Variants in GRID1 observed in about 807,000 individuals in gnomAD.
GRID1 encodes the protein glutamate receptor ionotropic, delta-1.
In GRID1, 28 loss-of-function variants were observed where a neutral mutation model predicts 98.0. That is an observed-to-expected ratio of 0.29 (90% CI 0.21 to 0.39). The LOEUF is 0.39. GRID1 is among the 10% of genes least tolerant of loss of function. The probability of loss-of-function intolerance (pLI) is 1.00; values close to 1 mark genes in which losing one functional copy is unlikely to be tolerated. For synonymous variants in GRID1, 553 were observed against 538.5 expected (o/e 1.03, Z -0.37); for missense variants, 1,111 against 1,340.5 (o/e 0.83, Z 2.67).
At chr10:85,794,400 A>G (rs1470548882) in intron 8 of GRID1, among the ~76,000 whole-genome samples, 1 of 152,214 alleles carries the variant, frequency 6.6e-6, no homozygotes, top group African/African-American at 2.4e-5. Flanking sequence ...GAATGTTTTC[A>G]GGATCATGTT....
chr10:85,690,691 G>A (rs1343974702), intron 12 of GRID1, among the ~76,000 whole-genome samples: 1 of 152,182 alleles, frequency 6.6e-6, no homozygotes, highest in Non-Finnish European at 1.5e-5. Context: ...TCCTTTCTAA[G>A]TGTTCACAGA....
chr10:86,012,585 G>T lies in GRID1; in HGVS notation c.727-96346C>A, dbSNP rs138351354. Among the ~76,000 whole-genome samples the T allele has an allele frequency of 4.6e-5, 7 of 152,278 alleles. No homozygotes were observed. In the East Asian group the frequency reaches 1.4e-3, roughly 29 times the overall value. ...ACTATTTGCTGTGGGCTGAGTGTTTGTGTCCCCCCCAAAATTCAGGTGTTG... is the reference window on the plus strand; with the variant it reads ...ACTATTTGCTGTGGGCTGAGTGTTTTTGTCCCCCCCAAAATTCAGGTGTTG... On this transcript the variant is annotated intron_variant, in intron 4 of 15. Coordinates refer to ENST00000327946, the MANE Select transcript of GRID1 (RefSeq NM_017551.3).
At chr10:85,793,274 ATCCTTAGCC>A (rs1228587125) in intron 8 of GRID1, among the ~76,000 whole-genome samples, 1 of 152,034 alleles carries the variant, frequency 6.6e-6, no homozygotes, top group Non-Finnish European at 1.5e-5. Context: ...CTTCTGCTGG[ATCCTTAGCC>A]TGCCCCCACC....
At chr10:85,745,375 T>C (rs1437999704) in intron 8 of GRID1, among the ~76,000 whole-genome samples, 95 of 76,398 alleles carry the variant, frequency 1.2e-3, no homozygotes, top group African/African-American at 4.2e-3. Flanking sequence ...ATATACACCA[T>C]GGAATACTAT....
chr10:86,111,166 T>C (rs1844475995), intron 4 of GRID1, among the ~76,000 whole-genome samples: 2 of 152,334 alleles, frequency 1.3e-5, no homozygotes, highest in South Asian at 4.1e-4. Flanking sequence ...TGATAGAAAC[T>C]CAAGAGGACA....
intron 4 of GRID1, among the ~76,000 whole-genome samples, chr10:86,115,466 C>G (rs1844562338): frequency 6.6e-6 from 1 of 152,244 alleles, no homozygotes; most frequent in South Asian, 2.1e-4. Flanking sequence ...GCAGCTAACA[C>G]CCCTAGGTAA....
intron 2 of GRID1, among the ~76,000 whole-genome samples, chr10:86,235,268 G>A (rs529150447): frequency 4.6e-5 from 7 of 152,192 alleles, no homozygotes; most frequent in Admixed American, 1.3e-4. Context: ...ACTCCTGCCC[G>A]AGGCTGACCT....
intron 4 of GRID1, among the ~76,000 whole-genome samples, chr10:85,933,636 C>A (rs1841888675): frequency 6.6e-6 from 1 of 152,166 alleles, no homozygotes; most frequent in African/African-American, 2.4e-5. Context: ...GAAACAGACA[C>A]AACTTCATAG....
chr10:85,765,211 G>T (rs1368220220), intron 8 of GRID1, among the ~76,000 whole-genome samples: 1 of 152,128 alleles, frequency 6.6e-6, no homozygotes, highest in Non-Finnish European at 1.5e-5. Context: ...GGGTCAACTA[G>T]GACATGGTAT....
intron 4 of GRID1, among the ~76,000 whole-genome samples, chr10:85,947,012 C>T (rs1842062067): frequency 6.6e-6 from 1 of 152,116 alleles, no homozygotes; most frequent in African/African-American, 2.4e-5. Flanking sequence ...AGAAGAGGCG[C>T]GACAGTGATG....
chr10:86,248,502 T>C (rs912815404), intron 2 of GRID1, among the ~76,000 whole-genome samples: 1 of 151,906 alleles, frequency 6.6e-6, no homozygotes, highest in African/African-American at 2.4e-5. Context: ...GTACAAAACG[T>C]TGGATAAATC....
chr10:86,334,090 C>T (rs4934186), intron 2 of GRID1, among the ~76,000 whole-genome samples: 99,227 of 151,518 alleles, frequency 0.65, 35,644 homozygotes, highest in Non-Finnish European at 0.81. Context: ...GCAAAGGCTG[C>T]CTCCCCACAC....
At chr10:86,197,371 G>T (rs1845890787) in intron 3 of GRID1, among the ~76,000 whole-genome samples, 1 of 152,108 alleles carries the variant, frequency 6.6e-6, no homozygotes, top group Non-Finnish European at 1.5e-5. Context: ...CAGACAGGGA[G>T]CAGGAGGAGG....
At chr10:85,973,395 C>T (rs1842432456) in intron 4 of GRID1, among the ~76,000 whole-genome samples, 1 of 152,108 alleles carries the variant, frequency 6.6e-6, no homozygotes, top group African/African-American at 2.4e-5. Flanking sequence ...ATAACTAATA[C>T]ATTCTTCCAA....
chr10:85,959,968 G>A (rs373297845), intron 4 of GRID1, among the ~76,000 whole-genome samples: 18 of 151,928 alleles, frequency 1.2e-4, no homozygotes, highest in South Asian at 8.3e-4. Flanking sequence ...TGTAACCTCC[G>A]CCTTCTGGGT....
intron 7 of GRID1, 47 bp from the exon 8 acceptor site, chr10:85,854,662 G>A: frequency 6.2e-7 from 1 of 1,609,270 alleles, no homozygotes. Flanking sequence ...TTAAGGTAGA[G>A]GATGGAGTCC....
chr10:85,619,205 C>G (rs1454701283), intron 14 of GRID1, among the ~76,000 whole-genome samples: 1 of 152,194 alleles, frequency 6.6e-6, no homozygotes, highest in African/African-American at 2.4e-5. Context: ...GGACAAAGGC[C>G]ACTGAACTAC....
chr10:86,005,669 T>G (rs1842852278), intron 4 of GRID1, among the ~76,000 whole-genome samples: 1 of 152,218 alleles, frequency 6.6e-6, no homozygotes, highest in Non-Finnish European at 1.5e-5. Context: ...CCAGACTCCT[T>G]GATGTCAGAC....
chr10:86,169,628 A>G (rs1845453045), intron 3 of GRID1, among the ~76,000 whole-genome samples: 1 of 152,190 alleles, frequency 6.6e-6, no homozygotes, highest in African/African-American at 2.4e-5. Context: ...AAGTCAGAAG[A>G]GCACAAAATT....
Sources: allele counts gnomAD v4.1 joint callset (sites outside exome capture counted in the v4.1 genomes callset), GRCh38; gene constraint gnomAD v4.1.1; transcripts MANE v1.5; gene names NCBI Gene and HGNC (gene_info 2026-07-23, HGNC 2026-07-21).